Variants in PAPOLA observed in about 807,000 individuals in gnomAD.
PAPOLA encodes the protein poly(A) polymerase alpha, also known as polynucleotide adenylyltransferase alpha.
PAPOLA carries 15 observed loss-of-function variants against 100.6 expected under a neutral mutation model. The ratio of observed to expected loss-of-function variants is 0.15; its 90% CI spans 0.10 to 0.23. The LOEUF is 0.23. Ranked by LOEUF, PAPOLA falls within the 10% of genes least tolerant of loss-of-function variation. The probability of loss-of-function intolerance (pLI) is 1.00; values close to 1 mark genes in which losing one functional copy is unlikely to be tolerated. For synonymous variants in PAPOLA, 293 were observed against 300.0 expected (o/e 0.98, Z 0.24); for missense variants, 533 against 884.2 (o/e 0.60, Z 5.04).
At chr14:96,543,702 G>C (rs1340896770) in intron 14 of PAPOLA, among the ~76,000 whole-genome samples, 3 of 151,880 alleles carry the variant, frequency 2.0e-5, no homozygotes, top group African/African-American at 7.2e-5. Flanking sequence ...AATTACTCCT[G>C]TTATGCTTCT....
At chr14:96,534,608 A>G (rs369642649) in intron 10 of PAPOLA, 45 bp downstream of exon 10, 9 of 1,613,138 alleles carry the variant, frequency 5.6e-6, no homozygotes, top group Non-Finnish European at 7.6e-6. Flanking sequence ...CTGTGCAATA[A>G]CAAGTAAAAA....
chr14:96,555,308 A>C (rs1901220592), intron 17 of PAPOLA, among the ~76,000 whole-genome samples: 1 of 149,930 alleles, frequency 6.7e-6, no homozygotes, highest in South Asian at 2.1e-4. Context: ...ACTTGAGCTC[A>C]AGCAATCCTT....
In PAPOLA at chr14:96,565,623, C is replaced by T. The variant is rs1902211137; in HGVS notation, c.*573C>T. On this transcript the variant is annotated 3_prime_UTR_variant, in exon 22 of 22. Transcript: ENST00000216277. ...GTAGCTGTAACCCTTAAAAATGAAA[C>T]GTCAACTCTAGGGTACATTTGACAT... is the stretch of plus-strand genomic sequence containing the variant. The T allele has an allele frequency of 7.6e-6, 3 of 395,562 alleles. No homozygotes were observed. Among genetic ancestry groups the T allele is most frequent in the African/African-American group, 4.1e-5 (2 of 48,508 alleles). The allele number at this position is 395,562 out of a possible 1,614,324, so 24.5% of individuals were successfully genotyped here.
chr14:96,523,090 G>T (rs1042840696), intron 3 of PAPOLA, among the ~76,000 whole-genome samples: 1 of 151,820 alleles, frequency 6.6e-6, no homozygotes, highest in Non-Finnish European at 1.5e-5. Flanking sequence ...TGGACTTTAC[G>T]TACCATGTGT....
At chr14:96,522,461 A>C (rs905527864) in intron 3 of PAPOLA, among the ~76,000 whole-genome samples, 2 of 151,074 alleles carry the variant, frequency 1.3e-5, no homozygotes, top group African/African-American at 2.4e-5. Context: ...CCCAGACTGG[A>C]GTGCAGTGGC....
chr14:96,532,093 G>C, intron 7 of PAPOLA: 19 of 1,300,986 alleles, frequency 1.5e-5, no homozygotes, highest in Non-Finnish European at 1.8e-5. Flanking sequence ...AGTTTACTTT[G>C]GTTTCTTTGG....
intron 1 of PAPOLA, among the ~76,000 whole-genome samples, chr14:96,513,419 G>C (rs888718875): frequency 6.6e-5 from 10 of 152,158 alleles, no homozygotes; most frequent in Non-Finnish European, 1.5e-4. Flanking sequence ...TGTGATTAAA[G>C]AGAATATGTC....
chr14:96,525,111 A>G (rs1898352038), intron 3 of PAPOLA, among the ~76,000 whole-genome samples, 199 bp from the exon 4 acceptor site: 1 of 152,234 alleles, frequency 6.6e-6, no homozygotes, highest in Non-Finnish European at 1.5e-5. Flanking sequence ...CCTCTTTAAA[A>G]GTTGAAAATG....
chr14:96,502,683 G>A, intron 1 of PAPOLA, 83 bp downstream of exon 1: 1 of 1,483,038 alleles, frequency 6.7e-7, no homozygotes, highest in South Asian at 1.3e-5. Context: ...TAGGCGGAGA[G>A]GGTGGCACGC....
At chr14:96,556,585 C>G (rs535235438) in intron 19 of PAPOLA, among the ~76,000 whole-genome samples, 172 bp downstream of exon 19, 5 of 152,342 alleles carry the variant, frequency 3.3e-5, no homozygotes, top group Admixed American at 3.3e-4. Flanking sequence ...CTTCACCTTT[C>G]CCATTCTTCT....
rs1896374083 is a variant in PAPOLA, at chr14:96,502,690, A to G, written c.8+90A>G. The G allele has an allele frequency of 4.2e-6, 6 of 1,436,470 alleles. 1 individual carries two copies. In the South Asian group the frequency reaches 6.8e-5, roughly 16 times the overall value. The allele number at this position is 1,436,470 out of a possible 1,614,324, so 89.0% of individuals were successfully genotyped here. On this transcript the variant is annotated intron_variant, in intron 1 of 21. Transcript: ENST00000216277. ...GGAAGAGGTAGGCGGAGAGGGTGGC[A>G]CGCGAGCCCGACCCTCCCCGCTGGT...
At chr14:96,535,671 T>G in intron 10 of PAPOLA, 1 of 850,996 alleles carries the variant, frequency 1.2e-6, no homozygotes, top group East Asian at 3.9e-5. Flanking sequence ...AAATCCAAAT[T>G]GAAGCAGATC....
Position 96,535,224 on chromosome 14 carries a change from A to G in PAPOLA, c.910-655A>G, listed in dbSNP as rs115563561. The G allele has an allele frequency of 2.0e-3, 1,854 of 905,586 alleles. 38 individuals are homozygous for G. In the African/African-American group the frequency reaches 0.031, roughly 15 times the overall value. The allele number at this position is 905,586 out of a possible 1,614,324, so 56.1% of individuals were successfully genotyped here. The stretch of plus-strand genomic sequence containing the variant: ...TGAAATCCTTTTTTTCTAAATTATT[A>G]CAATATCAAAAATTTTAAATTCTGT... On this transcript the variant is annotated intron_variant, in intron 10 of 21. Coordinates refer to ENST00000216277, the MANE Select transcript of PAPOLA (RefSeq NM_032632.5).
intron 1 of PAPOLA, among the ~76,000 whole-genome samples, chr14:96,509,945 A>G (rs1896994000): frequency 6.9e-6 from 1 of 143,950 alleles, no homozygotes; most frequent in Non-Finnish European, 1.5e-5. Context: ...TGTTGTGGCC[A>G]GTACCTTTTG....
rs1409657821 is a variant in PAPOLA, at chr14:96,535,245, T to C, written c.910-634T>C. The stretch of plus-strand genomic sequence containing the variant: ...TATTACAATATCAAAAATTTTAAAT[T>C]CTGTTGAATTACATCAAGCTATGCA... On this transcript the variant is annotated intron_variant, in intron 10 of 21. Transcript: ENST00000216277. 3.3e-6 allele frequency: 3 copies of C among 921,976 alleles called. No homozygotes were observed. The Admixed American group carries it at 1.9e-4, about 57-fold the overall frequency. 57.1% of individuals were successfully genotyped at this position (921,976 alleles called of 1,614,324 possible).
At chr14:96,559,675 A>G (rs1205350516) in intron 19 of PAPOLA, among the ~76,000 whole-genome samples, 1 of 150,416 alleles carries the variant, frequency 6.6e-6, no homozygotes, top group Non-Finnish European at 1.5e-5. Context: ...GGAAAATTTC[A>G]AACATGTCAT....
intron 12 of PAPOLA, among the ~76,000 whole-genome samples, chr14:96,539,641 A>C (rs1234607378): frequency 3.3e-5 from 5 of 152,146 alleles, no homozygotes; most frequent in African/African-American, 1.2e-4. Context: ...AAGACTTCAA[A>C]GTCTCGCATG....
At position 96,542,882 on chromosome 14, in the gene PAPOLA, A is replaced by C; in HGVS notation, c.1278A>C (p.Glu426Asp). Residue 426 changes from glutamate (E) to aspartate (D), a missense_variant, in exon 14 of 22, where the codon GAA (glutamate) becomes GAC (aspartate). This residue lies in a region of PAPOLA where 87 missense variants were observed against 173.3 expected (regional missense o/e 0.50). Transcript: ENST00000216277. ...CCCAGTCATTTCCAGCACCCAAAGA[A>C]AATCCCGACAAGTAAGCCCTTTTCT... ...VNPQSFPAPKENPDKEEFRTM... is the reference protein window; with the variant it reads ...VNPQSFPAPKDNPDKEEFRTM... The C allele has an allele frequency of 1.9e-6, 3 of 1,611,986 alleles. No individual in the cohort carries two copies. The highest frequency in any genetic ancestry group is 2.5e-6 in the Non-Finnish European group (3 of 1,179,418).
intron 10 of PAPOLA, 55 bp downstream of exon 10, chr14:96,534,618 A>G (rs1899357588): frequency 6.2e-7 from 1 of 1,612,620 alleles, no homozygotes; most frequent in Non-Finnish European, 8.5e-7. Flanking sequence ...ACAAGTAAAA[A>G]TCATCTGCAT....
Sources: allele counts gnomAD v4.1 joint callset (sites outside exome capture counted in the v4.1 genomes callset), GRCh38; gene constraint gnomAD v4.1.1; regional missense constraint gnomAD v4.1.1; transcripts MANE v1.5; gene names NCBI Gene and HGNC (gene_info 2026-07-23, HGNC 2026-07-21).